GIT1: variants seen among roughly 807,000 people sequenced by gnomAD.
GIT1 encodes ARF GTPase-activating protein GIT1.
Under a neutral mutation model 91.7 loss-of-function variants are expected in GIT1, and 14 were observed. That is an observed-to-expected ratio of 0.15 (90% CI 0.10 to 0.24). The LOEUF is 0.24. Ranked by LOEUF, GIT1 falls within the 10% of genes least tolerant of loss-of-function variation. The probability of loss-of-function intolerance (pLI) is 1.00; values close to 1 mark genes in which losing one functional copy is unlikely to be tolerated. For synonymous variants in GIT1, 414 were observed against 418.2 expected, an observed-to-expected ratio of 0.99 and a Z score of 0.12; for missense variants, 717 against 1,024.9, an observed-to-expected ratio of 0.70 and a Z score of 4.10.
chr17:29,577,555 G>A (rs2033256147), intron 10 of GIT1, 90 bp downstream of exon 10: 1 of 869,814 alleles, frequency 1.1e-6, no homozygotes, highest in African/African-American at 1.6e-5. Context: ...AAATGCTGGA[G>A]AGCTGGCTCA....
At position 29,581,074 on chromosome 17, in the gene GIT1, C is replaced by T. The variant is rs1004292586; in HGVS notation, c.761+264G>A. The T allele has an allele frequency of 1.2e-4, 63 of 528,054 alleles. 1 individual carries two copies. The highest frequency in any genetic ancestry group is 1.6e-4 in the Non-Finnish European group (47 of 292,160). 32.7% of individuals were successfully genotyped at this position (528,054 alleles called of 1,614,324 possible). On this transcript the variant is annotated intron_variant, in intron 7 of 19. Transcript: ENST00000225394. This position sits in a 1 kb window ranked among gnomAD's most constrained non-coding sequence, Gnocchi z 4.8. ...GATTACAGGCGTGAGCCACCGCGCC[C>T]GGCCCACAGGTAGCTTCTCACACCC...
At chr17:29,584,562 T>C (rs921156153) in intron 1 of GIT1, among the ~76,000 whole-genome samples, 2 of 152,138 alleles carry the variant, frequency 1.3e-5, no homozygotes, top group Non-Finnish European at 2.9e-5. Context: ...TGCGGAAAGG[T>C]CACGGGGGAG....
intron 9 of GIT1, among the ~76,000 whole-genome samples, chr17:29,578,003 G>A (rs1363434160): frequency 6.6e-6 from 1 of 152,250 alleles, no homozygotes; most frequent in African/African-American, 2.4e-5. Flanking sequence ...CTGTGGCCAG[G>A]AAGGAGTGAT....
At position 29,581,281 on chromosome 17, in the gene GIT1, C is replaced by G. The variant is rs1213441157; in HGVS notation, c.761+57G>C. ...AACCTGGGCTGGGAGCTCTGGGGGT[C>G]AGCCACCCACATGGCATCCAACAGC... On this transcript the variant is annotated intron_variant, in intron 7 of 19. Transcript: ENST00000225394. This position sits in a 1 kb window ranked among gnomAD's most constrained non-coding sequence, Gnocchi z 4.8. 8.1e-6 allele frequency: 11 copies of G among 1,360,514 alleles called. No individual in the cohort carries two copies. Among genetic ancestry groups the G allele is most frequent in the Non-Finnish European group, 2.1e-6 (2 of 950,200 alleles). The allele number at this position is 1,360,514 out of a possible 1,614,324, so 84.3% of individuals were successfully genotyped here.
At chr17:29,579,138 C>T (rs2033314336) in intron 7 of GIT1, 3 of 676,700 alleles carry the variant, frequency 4.4e-6, no homozygotes, top group Admixed American at 2.4e-5. Context: ...CATCTCACCG[C>T]GTCCCCCACC....
chr17:29,589,329 G>C lies in GIT1; in HGVS notation c.50C>G (p.Pro17Arg), dbSNP rs951047270. 1 of 1,053,180 alleles carries C rather than the reference G, an allele frequency of 9.5e-7. No individual in the cohort carries two copies. Among genetic ancestry groups the C allele is most frequent in the Non-Finnish European group, 1.1e-6 (1 of 870,176 alleles). The allele number at this position is 1,053,180 out of a possible 1,614,324, so 65.2% of individuals were successfully genotyped here. The change falls in exon 1 of 20, where the codon CCG becomes CGG. Residue 17 changes from proline to arginine, a missense_variant and splice_region_variant. By Grantham distance (103) the Pro-to-Arg change is moderately radical. Transcript: ENST00000225394. The surrounding 1 kb of genome is among the most constrained non-coding windows in gnomAD (Gnocchi z 5.2). ...GCCCCCGGCCCCGCCGCGCTTACCC[G>C]GGGCGCTGCAGTCCGCACACACCTC... ...RAEVCADCSAPDPGWASISRG... is the reference protein window; with the variant it reads ...RAEVCADCSARDPGWASISRG...
At chr17:29,576,788 A>T in intron 12 of GIT1, 75 bp downstream of exon 12, 1 of 1,575,960 alleles carries the variant, frequency 6.3e-7, no homozygotes, top group Non-Finnish European at 8.6e-7. Flanking sequence ...CCTGGGCTAC[A>T]AGAGGACAGA....
intron 1 of GIT1, chr17:29,583,879 G>C: frequency 2.1e-6 from 1 of 467,516 alleles, no homozygotes; most frequent in Non-Finnish European, 3.8e-6. Context: ...CCATTCAGCA[G>C]GCACAGTTTC....
rs534257533 is a variant in GIT1, at chr17:29,579,157, T to A, written c.762-378A>T. 9.6e-6 allele frequency: 6 copies of A among 628,084 alleles called. No homozygotes were observed. In the Admixed American group the frequency reaches 1.6e-4, roughly 17 times the overall value. The allele number at this position is 628,084 out of a possible 1,614,324, so 38.9% of individuals were successfully genotyped here. A position where few individuals can be genotyped will look rare whatever the true frequency, so the allele number is the denominator to read the frequency against. ...TCACCGCGTCCCCCACCCCTCCTCC[T>A]CTGGCTTGCTCTTCCTCTCAGTGAC... is the stretch of plus-strand genomic sequence containing the variant. On this transcript the variant is annotated intron_variant, in intron 7 of 19. Transcript: ENST00000225394.
intron 19 of GIT1, 74 bp from the exon 20 acceptor site, chr17:29,574,988 G>A: frequency 6.7e-7 from 1 of 1,483,776 alleles, no homozygotes. Flanking sequence ...GTTTGTCTGT[G>A]TCTCCACCCA....
rs780871975 is a variant in GIT1, at chr17:29,576,964, C to T, written c.1126G>A (p.Asp376Asn). ...TCGTAGTCGTGTTGGTCGTCGAGGT[C>T]ACTCTGGCTCCGCAGAGACAGCTCG... ...NLELSLRSQS[D>N]LDDQHDYDSV... The change falls in exon 12 of 20, where the codon GAC (aspartate) becomes AAC (asparagine). Residue 376 changes from aspartate (D) to asparagine (N), a missense_variant. Physicochemically the swap from Asp to Asn is conservative, Grantham distance 23. This residue lies in a region of GIT1 where 312 missense variants were observed against 349.5 expected (regional missense o/e 0.89). Coordinates refer to ENST00000225394, the MANE Select transcript of GIT1 (RefSeq NM_014030.4). The T allele has an allele frequency of 1.2e-6, 2 of 1,601,872 alleles. No individual in the cohort carries two copies. The highest frequency in any genetic ancestry group is 1.7e-6 in the Non-Finnish European group (2 of 1,178,952).
intron 7 of GIT1, among the ~76,000 whole-genome samples, chr17:29,580,292 A>G (rs1423070157): frequency 1.3e-5 from 2 of 152,216 alleles, no homozygotes; most frequent in East Asian, 3.9e-4. Flanking sequence ...GCATGCACAC[A>G]CAACCCAGGT....
At chr17:29,588,172 T>A (rs928326709) in intron 1 of GIT1, among the ~76,000 whole-genome samples, 1 of 152,206 alleles carries the variant, frequency 6.6e-6, no homozygotes, top group Non-Finnish European at 1.5e-5. Context: ...CTGAAAGTTA[T>A]GGGCCCACAA....
chr17:29,574,770 A>G lies in GIT1; in HGVS notation c.2218T>C (p.Cys740Arg), dbSNP rs1244201092. 1 of 1,613,484 alleles carries G rather than the reference A, an allele frequency of 6.2e-7. No individual in the cohort carries two copies. Among genetic ancestry groups the G allele is most frequent in the Non-Finnish European group, 8.5e-7 (1 of 1,179,940 alleles). The change falls in exon 20 of 20, where the codon TGC becomes CGC. Residue 740 changes from cysteine to arginine, a missense_variant. Transcript: ENST00000225394. The part of the protein sequence containing the change: ...FQLLTQQVIQ[C>R]AYDIAKAAKQ... ...GCAGCCTTGGCGATGTCATAGGCGCACTGGATCACCTGCTGAGTCAGCAGC... is the reference window on the plus strand; with the variant it reads ...GCAGCCTTGGCGATGTCATAGGCGCGCTGGATCACCTGCTGAGTCAGCAGC...
intron 8 of GIT1, 47 bp downstream of exon 8, chr17:29,578,682 CAG>C (rs1409057389): frequency 6.0e-6 from 9 of 1,504,538 alleles, no homozygotes; most frequent in East Asian, 2.3e-5. Flanking sequence ...GGTGGGGGAT[CAG>C]AGAGGGGCCA....
chr17:29,581,391 A>G lies in GIT1; in HGVS notation c.719-11T>C. On this transcript the variant is annotated splice_polypyrimidine_tract_variant and intron_variant, in intron 6 of 19. Coordinates refer to ENST00000225394, the MANE Select transcript of GIT1 (RefSeq NM_014030.4). The surrounding 1 kb of genome is among the most constrained non-coding windows in gnomAD (Gnocchi z 4.8). Reference sequence around the variant, plus strand: ...GCCCATTCTTGTGATCTGAACAAAAATAAAAATGCCAAGTCACTCACTAGT... The same window carrying G: ...GCCCATTCTTGTGATCTGAACAAAAGTAAAAATGCCAAGTCACTCACTAGT... 6.2e-7 allele frequency: 1 copy of G among 1,610,614 alleles called. No individual in the cohort carries two copies. The highest frequency in any genetic ancestry group is 8.5e-7 in the Non-Finnish European group (1 of 1,177,098).
rs1320445076 is a variant in GIT1 at position 29,573,500 on chromosome 17, A to T, written c.*1202T>A. ...TCATGGTCACTTCTTTATTTTTGAT[A>T]CAAATGTACATGACACGTCTTGACA... On this transcript the variant is annotated 3_prime_UTR_variant, in exon 20 of 20. Transcript: ENST00000225394. 6.6e-6 allele frequency: 1 copy of T among 152,600 alleles called. No homozygotes were observed. The highest frequency in any genetic ancestry group is 2.4e-5 in the African/African-American group (1 of 41,452). The allele number at this position is 152,600 out of a possible 1,614,324, so 9.5% of individuals were successfully genotyped here.
At chr17:29,576,159 T>C (rs748099639) in intron 14 of GIT1, 28 bp from the exon 15 acceptor site, 17 of 1,612,454 alleles carry the variant, frequency 1.1e-5, no homozygotes, top group Middle Eastern at 1.6e-4. Context: ...GCGAGCGTCA[T>C]GGTGGACCCT....
chr17:29,585,745 G>C (rs2033572547), intron 1 of GIT1, among the ~76,000 whole-genome samples: 1 of 152,190 alleles, frequency 6.6e-6, no homozygotes, highest in Non-Finnish European at 1.5e-5. Context: ...CCAGATTGTA[G>C]TTTAAGGTGA....
Sources: allele counts gnomAD v4.1 joint callset (sites outside exome capture counted in the v4.1 genomes callset), GRCh38; gene constraint gnomAD v4.1.1; regional missense constraint gnomAD v4.1.1; non-coding constraint Gnocchi (gnomAD v3.1); transcripts MANE v1.5; gene names NCBI Gene and HGNC (gene_info 2026-07-23, HGNC 2026-07-21).